PPP2R2B: variants seen among roughly 807,000 people sequenced by gnomAD.
The protein encoded by PPP2R2B is protein phosphatase 2 regulatory subunit Bbeta, also known as serine/threonine-protein phosphatase 2A 55 kDa regulatory subunit B beta isoform.
Under a neutral mutation model 46.0 loss-of-function variants are expected in PPP2R2B, and 5 were observed. That is an observed-to-expected ratio of 0.11 (90% CI 0.06 to 0.23). The LOEUF (loss-of-function observed/expected upper bound fraction) is 0.23. PPP2R2B is among the 10% of genes least tolerant of loss of function. PPP2R2B has a pLI of 1.00. For missense variants in PPP2R2B, 367 were observed against 575.0 expected (o/e 0.64, Z 3.70); for synonymous variants, 215 against 206.7 (o/e 1.04, Z -0.34).
chr5:147,044,015 C>T (rs537358168), intron 1 of PPP2R2B, among the ~76,000 whole-genome samples: 111 of 152,192 alleles, frequency 7.3e-4, no homozygotes, highest in African/African-American at 2.6e-3. Context: ...ACAATAAATG[C>T]TTTCCCTTAA....
At chr5:147,037,443 T>C (rs947361627) in intron 1 of PPP2R2B, among the ~76,000 whole-genome samples, 3 of 151,974 alleles carry the variant, frequency 2.0e-5, no homozygotes, top group East Asian at 1.9e-4. Context: ...TATGTATATA[T>C]AGGTATGTAA....
At chr5:146,802,351 G>A (rs541273477) in intron 2 of PPP2R2B, among the ~76,000 whole-genome samples, 4 of 152,126 alleles carry the variant, frequency 2.6e-5, no homozygotes, top group Non-Finnish European at 5.9e-5. Flanking sequence ...AACTCAACAG[G>A]GGGGTGGCAA....
At chr5:146,600,599 A>T in intron 7 of PPP2R2B, 139 bp from the exon 8 acceptor site, 1 of 797,498 alleles carries the variant, frequency 1.3e-6, no homozygotes, top group East Asian at 2.7e-5. Context: ...AGTTGCTAAT[A>T]GAGAACTGTC....
At chr5:146,616,547 A>G (rs1300145817) in intron 7 of PPP2R2B, among the ~76,000 whole-genome samples, 1 of 152,214 alleles carries the variant, frequency 6.6e-6, no homozygotes, top group Non-Finnish European at 1.5e-5. Flanking sequence ...TATCTAATCC[A>G]TTTAAAAAAA....
intron 2 of PPP2R2B, among the ~76,000 whole-genome samples, chr5:146,779,030 T>C (rs1755351150): frequency 6.6e-6 from 1 of 152,192 alleles, no homozygotes; most frequent in Non-Finnish European, 1.5e-5. Context: ...AGCAAGCAGT[T>C]AGAAACAACA....
At chr5:146,861,035 C>A (rs2151392483) in intron 2 of PPP2R2B, among the ~76,000 whole-genome samples, 1 of 150,398 alleles carries the variant, frequency 6.6e-6, no homozygotes, top group East Asian at 2.0e-4. Context: ...CCTCTTCCAG[C>A]ATTCAAACTG....
At chr5:146,846,453 G>A (rs1394061321) in intron 2 of PPP2R2B, among the ~76,000 whole-genome samples, 1 of 152,076 alleles carries the variant, frequency 6.6e-6, no homozygotes, top group Non-Finnish European at 1.5e-5. Context: ...GCCGAGACGG[G>A]TGGATCATGA....
rs77859232 is a variant in PPP2R2B at position 146,684,406 on chromosome 5, C to T, written c.447+6722G>A. ...AGAATGAGTATTACGACATAGGTAC[C>T]TCAGAGGGAGCAAGAAAGCCTAAAG... is the stretch of plus-strand genomic sequence containing the variant. On this transcript the variant is annotated intron_variant, in intron 5 of 9. Transcript: ENST00000394411. Among the ~76,000 whole-genome samples the T allele has an allele frequency of 6.9e-3, 1,044 of 152,292 alleles. 22 individuals are homozygous for T. The highest frequency in any genetic ancestry group is 0.042 in the Admixed American group (636 of 15,298).
In PPP2R2B at chr5:146,779,535, T is replaced by C. The variant is rs951457339; in HGVS notation, c.71-78393A>G. Among the ~76,000 whole-genome samples the C allele has an allele frequency of 7.9e-5, 12 of 152,272 alleles. No homozygotes were observed. In the South Asian group the frequency reaches 8.3e-4, roughly 11 times the overall value. On this transcript the variant is annotated intron_variant, in intron 2 of 9. Transcript: ENST00000394411. ...ATTACCGAGGTGTAGTTTCCCCAGGTCTAAAGACTCATAGTGGTACCACTG... is the reference window on the plus strand; with the variant it reads ...ATTACCGAGGTGTAGTTTCCCCAGGCCTAAAGACTCATAGTGGTACCACTG...
intron 1 of PPP2R2B, among the ~76,000 whole-genome samples, chr5:146,886,609 T>C (rs1408097199): frequency 6.6e-6 from 1 of 152,006 alleles, no homozygotes; most frequent in East Asian, 1.9e-4. Context: ...TTAAAAGTAG[T>C]GACAAAGATA....
upstream of PPP2R2B, among the ~76,000 whole-genome samples, chr5:146,879,594 C>G (rs1762096359): frequency 6.6e-6 from 1 of 152,142 alleles, no homozygotes. Flanking sequence ...GGGGGAATTT[C>G]AGGAGTCCAA....
chr5:147,024,559 A>G (rs577793260), intron 1 of PPP2R2B, among the ~76,000 whole-genome samples: 20 of 152,180 alleles, frequency 1.3e-4, no homozygotes, highest in Non-Finnish European at 2.5e-4. Context: ...CCAAGAGATC[A>G]TATACTGGGC....
intron 2 of PPP2R2B, among the ~76,000 whole-genome samples, chr5:146,811,751 T>C (rs1757563952): frequency 6.9e-6 from 1 of 145,380 alleles, no homozygotes; most frequent in Non-Finnish European, 1.5e-5. Context: ...TTTTTTTCAG[T>C]AGAGACGGGG....
Position 146,983,176 on chromosome 5 carries a change from A to ATTTTTTTTTTT in PPP2R2B, c.79+72478_79+72488dup, listed in dbSNP as rs745692719. Among the ~76,000 whole-genome samples, 77 of 80,872 alleles carry ATTTTTTTTTTT rather than the reference A, an allele frequency of 9.5e-4. 9 individuals are homozygous for ATTTTTTTTTTT. The highest frequency in any genetic ancestry group is 1.3e-3 in the Non-Finnish European group (60 of 45,402). The allele number at this position is 80,872 out of a possible 152,430, so 53.1% of individuals were successfully genotyped here. A position where few individuals can be genotyped will look rare whatever the true frequency, so the allele number is the denominator to read the frequency against. On this transcript the variant is annotated intron_variant, in intron 1 of 8. Transcript: ENST00000336640. ...GTTTATCTATCGTGTTTTCCAGAGC[A>ATTTTTTTTTTT]TTTTTTTTTTTTTTTTTTTTTTGAG...
intron 2 of PPP2R2B, among the ~76,000 whole-genome samples, chr5:146,738,249 A>G (rs984290944): frequency 6.6e-6 from 1 of 151,416 alleles, no homozygotes; most frequent in Non-Finnish European, 1.5e-5. Flanking sequence ...ACAAAAAATT[A>G]GCCGGGCGTG....
chr5:146,936,471 G>GAA (rs35203174), intron 1 of PPP2R2B, among the ~76,000 whole-genome samples: 129 of 84,494 alleles, frequency 1.5e-3, no homozygotes, highest in African/African-American at 3.1e-3. Context: ...AGCAGGAAAA[G>GAA]AAAAAAAAAA....
At chr5:146,697,615 T>C (rs1332541754) in intron 4 of PPP2R2B, among the ~76,000 whole-genome samples, 2 of 152,214 alleles carry the variant, frequency 1.3e-5, no homozygotes, top group African/African-American at 4.8e-5. Context: ...CTATTCAATA[T>C]GCCAACCTCA....
chr5:146,754,318 C>T (rs983674745), intron 2 of PPP2R2B, among the ~76,000 whole-genome samples: 10 of 152,054 alleles, frequency 6.6e-5, no homozygotes, highest in Admixed American at 2.0e-4. Flanking sequence ...AGTCTGGGAG[C>T]GATCTCGAGG....
upstream of PPP2R2B, among the ~76,000 whole-genome samples, chr5:147,056,657 GA>G (rs1311690301): frequency 6.6e-6 from 1 of 152,146 alleles, no homozygotes; most frequent in Non-Finnish European, 1.5e-5. Flanking sequence ...CTCTCACTGA[GA>G]TTTCAAATGA....
Sources: gnomAD v4.1 joint callset for allele counts (sites outside exome capture counted in the v4.1 genomes callset) on GRCh38, gnomAD v4.1.1 for gene constraint, MANE v1.5 for transcripts, NCBI Gene and HGNC (gene_info 2026-07-23, HGNC 2026-07-21) for gene names.